Variants in KIF17 observed in about 807,000 individuals in gnomAD.
KIF17 encodes kinesin-like protein KIF17.
In KIF17, 80 loss-of-function variants were observed where a neutral mutation model predicts 96.8. The ratio of observed to expected loss-of-function variants is 0.83; its 90% CI spans 0.69 to 1.00. The LOEUF is 1.00. Among genes scored for constraint, KIF17 ranks in the 50% least tolerant of loss-of-function variants. The pLI is 0.00. For missense variants in KIF17, 1,280 were observed against 1,372.9 expected (o/e 0.93, Z 1.07); for synonymous variants, 567 against 587.5 (o/e 0.97, Z 0.51).
intron 11 of KIF17, among the ~76,000 whole-genome samples, chr1:20,678,001 G>A (rs550923006): frequency 6.6e-6 from 1 of 152,256 alleles, no homozygotes; most frequent in Non-Finnish European, 1.5e-5. Flanking sequence ...GTGTTCTTGT[G>A]TGTGTGTATA....
At chr1:20,668,138 G>A (rs1186037887) in intron 13 of KIF17, among the ~76,000 whole-genome samples, 10 of 151,868 alleles carry the variant, frequency 6.6e-5, no homozygotes, top group African/African-American at 2.2e-4. Flanking sequence ...GTGAAACCCC[G>A]TCTCTACTAA....
intron 10 of KIF17, among the ~76,000 whole-genome samples, chr1:20,683,989 C>T (rs895766134): frequency 2.6e-5 from 4 of 152,384 alleles, no homozygotes; most frequent in African/African-American, 7.2e-5. Flanking sequence ...GCGTGCCCAG[C>T]GCGGGGCTGC....
chr1:20,683,243 A>C (rs769137742), intron 10 of KIF17, among the ~76,000 whole-genome samples: 2 of 152,252 alleles, frequency 1.3e-5, no homozygotes, highest in Non-Finnish European at 2.9e-5. Context: ...CTGGGTTGTG[A>C]AAAATGTTCA....
At chr1:20,706,684 G>A (rs1364858764) in intron 4 of KIF17, among the ~76,000 whole-genome samples, 1 of 151,340 alleles carries the variant, frequency 6.6e-6, no homozygotes, top group Non-Finnish European at 1.5e-5. Context: ...CCAGGAGTTC[G>A]AGACCAGCCT....
intron 8 of KIF17, chr1:20,686,454 G>C (rs939712303): frequency 2.8e-5 from 13 of 463,600 alleles, no homozygotes; most frequent in African/African-American, 2.6e-4. Flanking sequence ...TGGTAGACCT[G>C]GGATCTCTCT....
At chr1:20,698,728 G>A (rs1206115842) in intron 5 of KIF17, among the ~76,000 whole-genome samples, 2 of 152,126 alleles carry the variant, frequency 1.3e-5, no homozygotes, top group African/African-American at 2.4e-5. Flanking sequence ...CCACACCCAC[G>A]CTGAGTTTTC....
rs958045894 is a variant in KIF17, at chr1:20,698,762, C to A, written c.1124-274G>T. ...TCCACTGGGAAAAAGAGGAGAAAAG[C>A]AGATGGACAAGGTGAAATGCCTCGT... On this transcript the variant is annotated intron_variant, in intron 5 of 14. Coordinates refer to ENST00000400463, the MANE Select transcript of KIF17 (RefSeq NM_001122819.3). Among the ~76,000 whole-genome samples, 14 of 152,244 alleles carry A rather than the reference C, an allele frequency of 9.2e-5. No homozygotes were observed. The East Asian group carries it at 2.3e-3, about 25-fold the overall frequency.
intron 1 of KIF17, chr1:20,717,267 G>A (rs2054594013): frequency 3.4e-6 from 2 of 588,926 alleles, no homozygotes; most frequent in South Asian, 2.1e-5. Context: ...AGGCGGAGAC[G>A]CTGGGGATAG....
chr1:20,698,833 C>T (rs904105727), intron 5 of KIF17, among the ~76,000 whole-genome samples: 3 of 152,112 alleles, frequency 2.0e-5, no homozygotes, highest in Non-Finnish European at 4.4e-5. Flanking sequence ...CTAAGCACCT[C>T]CCATCAAAAT....
In KIF17 at chr1:20,704,692, G is replaced by A. The variant is rs772780186; in HGVS notation, c.878C>T (p.Thr293Met). 2.2e-5 allele frequency: 35 copies of A among 1,613,984 alleles called. No individual in the cohort carries two copies. The Middle Eastern group carries it at 8.2e-4, about 38-fold the overall frequency. ...KHVPYRDSKL[T>M]RLLQDSLGGN... ...GCCCAGTGAGTCCTGCAGCAGCCGC[G>A]TCAGCTTCGAGTCACGGTAGGGGAC... Residue 293 changes from threonine (T) to methionine (M), a missense_variant, in exon 5 of 15, where the codon ACG (threonine) becomes ATG (methionine). By Grantham distance (81) the Thr-to-Met change is moderately conservative. Transcript: ENST00000400463. The surrounding 1 kb of genome is among the most constrained non-coding windows in gnomAD (Gnocchi z 6.8).
At chr1:20,702,954 T>C (rs762008839) in intron 5 of KIF17, among the ~76,000 whole-genome samples, 3 of 152,128 alleles carry the variant, frequency 2.0e-5, no homozygotes, top group African/African-American at 7.2e-5. Context: ...CCAGCACGTG[T>C]CCACACAGAG....
chr1:20,717,257 A>T (rs923720269), intron 1 of KIF17: 8 of 574,596 alleles, frequency 1.4e-5, no homozygotes, highest in Admixed American at 6.2e-5. Context: ...TGAACCCGGG[A>T]GGCGGAGACG....
At chr1:20,703,184 TGGAC>T (rs1407248173) in intron 5 of KIF17, among the ~76,000 whole-genome samples, 2 of 142,732 alleles carry the variant, frequency 1.4e-5, no homozygotes, top group African/African-American at 5.0e-5. Flanking sequence ...GATGAATGGA[TGGAC>T]GGATGGATGG....
rs999562170 is a variant in KIF17, at chr1:20,687,334, G to A, written c.1938+54C>T. 2.6e-5 allele frequency: 42 copies of A among 1,594,914 alleles called. No individual in the cohort carries two copies. The highest frequency in any genetic ancestry group is 3.4e-5 in the Non-Finnish European group (40 of 1,164,836). On this transcript the variant is annotated intron_variant, in intron 8 of 14. Coordinates refer to ENST00000400463, the MANE Select transcript of KIF17 (RefSeq NM_001122819.3). The surrounding 1 kb of genome is among the most constrained non-coding windows in gnomAD (Gnocchi z 4.4). ...GTGTGCACAGTGAGCTCCGGGCCCT[G>A]GGCAAGCTCTGCCTGCTCAGTGTTC...
rs758290008 is a variant in KIF17 at position 20,664,646 on chromosome 1, T to C, written c.3025A>G (p.Ile1009Val). ...TTACGCTTGGCCTTGGTGAAAGGGATGTCGAGGGACTCGAGGCGGAAGGGC... is the reference window on the plus strand; with the variant it reads ...TTACGCTTGGCCTTGGTGAAAGGGACGTCGAGGGACTCGAGGCGGAAGGGC... Reference protein sequence around the residue: ...PRPFRLESLDIPFTKAKRKKS... With the variant: ...PRPFRLESLDVPFTKAKRKKS... The change falls in exon 15 of 15, where the codon ATC (isoleucine) becomes GTC (valine). Residue 1009 changes from isoleucine (I) to valine (V), a missense_variant. Coordinates refer to ENST00000400463, the MANE Select transcript of KIF17 (RefSeq NM_001122819.3). 3.5e-6 allele frequency: 5 copies of C among 1,430,446 alleles called. No homozygotes were observed. Among genetic ancestry groups the C allele is most frequent in the South Asian group, 2.3e-5 (2 of 88,832 alleles). The allele number at this position is 1,430,446 out of a possible 1,614,324, so 88.6% of individuals were successfully genotyped here. A position where few individuals can be genotyped will look rare whatever the true frequency, so the allele number is the denominator to read the frequency against.
At chr1:20,681,903 C>T (rs755508229) in intron 11 of KIF17, among the ~76,000 whole-genome samples, 2 of 152,080 alleles carry the variant, frequency 1.3e-5, no homozygotes, top group African/African-American at 4.8e-5. Flanking sequence ...TCTGGGTGCT[C>T]GTTTCATGGG....
rs2054222408 is a variant in KIF17 at position 20,700,895 on chromosome 1, A to G, written c.1124-2407T>C. Among the ~76,000 whole-genome samples the G allele has an allele frequency of 6.6e-6, 1 of 151,908 alleles. No individual in the cohort carries two copies. Among genetic ancestry groups the G allele is most frequent in the Non-Finnish European group, 1.5e-5 (1 of 67,972 alleles). ...AACCAGGAACAGCCCCTCAACCCCA[A>G]CGCCCACCAGAATTATTCAGATCAG... On this transcript the variant is annotated intron_variant, in intron 5 of 14. Transcript: ENST00000400463. This position sits in a 1 kb window ranked among gnomAD's most constrained non-coding sequence, Gnocchi z 4.6.
intron 13 of KIF17, among the ~76,000 whole-genome samples, chr1:20,668,106 T>C (rs963091808): frequency 2.0e-5 from 3 of 151,740 alleles, no homozygotes; most frequent in East Asian, 1.9e-4. Flanking sequence ...GTCAGGAGAT[T>C]GAGACCATCC....
At chr1:20,680,565 A>G (rs747055641) in intron 11 of KIF17, among the ~76,000 whole-genome samples, 18 of 152,184 alleles carry the variant, frequency 1.2e-4, no homozygotes, top group Non-Finnish European at 8.8e-5. Flanking sequence ...TGACAGAGTG[A>G]GACTCTTAAA....
Sources: allele counts gnomAD v4.1 joint callset (sites outside exome capture counted in the v4.1 genomes callset), GRCh38; gene constraint gnomAD v4.1.1; non-coding constraint Gnocchi (gnomAD v3.1); transcripts MANE v1.5; gene names NCBI Gene and HGNC (gene_info 2026-07-23, HGNC 2026-07-21).